Variants in CPB2 observed in about 807,000 individuals in gnomAD.
CPB2 encodes the protein carboxypeptidase B-like protein.
CPB2 carries 54 observed loss-of-function variants against 57.0 expected under a neutral mutation model. The ratio of observed to expected loss-of-function variants is 0.95; its 90% CI spans 0.76 to 1.19. The LOEUF (loss-of-function observed/expected upper bound fraction) is 1.19, where lower values mean the gene tolerates loss of function less well. Among genes scored for constraint, CPB2 ranks in the 50% most tolerant of loss-of-function variants. The pLI is 0.00. For synonymous variants in CPB2, 189 were observed against 178.1 expected (o/e 1.06, Z -0.49); for missense variants, 426 against 512.0 (o/e 0.83, Z 1.62).
intron 1 of CPB2, among the ~76,000 whole-genome samples, chr13:46,090,292 A>T (rs1325852441): frequency 6.6e-6 from 1 of 152,114 alleles, no homozygotes; most frequent in African/African-American, 2.4e-5. Flanking sequence ...ATAATTTGGA[A>T]AGAACAGATA....
Position 46,058,171 on chromosome 13 carries a change from G to A in CPB2, c.999+8C>T, listed in dbSNP as rs969210164. 1.1e-5 allele frequency: 17 copies of A among 1,602,058 alleles called. No individual in the cohort carries two copies. The East Asian group carries it at 3.6e-4, about 34-fold the overall frequency. On this transcript the variant is annotated splice_region_variant and intron_variant, in intron 9 of 10. Coordinates refer to ENST00000181383, the MANE Select transcript of CPB2 (RefSeq NM_001872.5). ...TGCTAATGAGAAAAATAATTAAGTA[G>A]CACTTACCAGTTCCTCATGGTCTTT...
chr13:46,064,138 G>A (rs957194608), intron 8 of CPB2, among the ~76,000 whole-genome samples: 27 of 152,024 alleles, frequency 1.8e-4, no homozygotes, highest in Admixed American at 1.7e-3. Context: ...GCATATGCCT[G>A]TAGTCCCAGC....
At chr13:46,058,469 A>C (rs189900126) in intron 8 of CPB2, 88 bp from the exon 9 acceptor site, 14 of 1,063,556 alleles carry the variant, frequency 1.3e-5, no homozygotes, top group Non-Finnish European at 4.3e-6. Context: ...TCTCCTACCT[A>C]TGTTGCAACA....
intron 8 of CPB2, among the ~76,000 whole-genome samples, chr13:46,061,840 G>A (rs897350937): frequency 5.9e-5 from 9 of 152,040 alleles, no homozygotes; most frequent in African/African-American, 2.2e-4. Context: ...GGTTTGATAT[G>A]TCACTTCCTG....
intron 1 of CPB2, among the ~76,000 whole-genome samples, chr13:46,088,865 GTAGT>G (rs1391854821): frequency 1.3e-5 from 2 of 151,552 alleles, no homozygotes; most frequent in Non-Finnish European, 2.9e-5. Context: ...TATTTTTGTA[GTAGT>G]TAATTTGTAT....
At chr13:46,060,190 C>T (rs17844124) in intron 8 of CPB2, among the ~76,000 whole-genome samples, 41,398 of 152,092 alleles carry the variant, frequency 0.27, 6,130 homozygotes, top group Non-Finnish European at 0.33. Flanking sequence ...AGGCCAGGCA[C>T]GGTGGCTCAC....
chr13:46,079,076 T>G, intron 4 of CPB2, among the ~76,000 whole-genome samples, 175 bp from the exon 5 acceptor site: 1 of 152,134 alleles, frequency 6.6e-6, no homozygotes, highest in East Asian at 1.9e-4. Flanking sequence ...TTAATAAAAT[T>G]AAAGTTTTGA....
In CPB2 at chr13:46,064,737, C is replaced by A; in HGVS notation, c.707G>T (p.Arg236Leu). Residue 236 changes from arginine to leucine, a missense_variant, in exon 8 of 11, where the codon CGA (arginine) becomes CTA (leucine). Coordinates refer to ENST00000181383, the MANE Select transcript of CPB2 (RefSeq NM_001872.5). ...DGYDYSWKKN[R>L]MWRKNRSFYA... Reference sequence around the variant, plus strand: ...GAAAGAACGGTTCTTTCTCCACATTCGATTCTACATAAACAAAATACAAAC... The same window carrying A: ...GAAAGAACGGTTCTTTCTCCACATTAGATTCTACATAAACAAAATACAAAC... The A allele has an allele frequency of 6.2e-7, 1 of 1,613,614 alleles. No individual in the cohort carries two copies. The highest frequency in any genetic ancestry group is 1.1e-5 in the South Asian group (1 of 91,054).
At chr13:46,077,854 C>T (rs2045047042) in intron 5 of CPB2, among the ~76,000 whole-genome samples, 1 of 151,772 alleles carries the variant, frequency 6.6e-6, no homozygotes, top group Non-Finnish European at 1.5e-5. Context: ...ACAAATACTA[C>T]ATGTTCTCAC....
intron 6 of CPB2, among the ~76,000 whole-genome samples, chr13:46,069,412 T>G (rs1274839376): frequency 6.6e-6 from 1 of 152,222 alleles, no homozygotes; most frequent in Non-Finnish European, 1.5e-5. Flanking sequence ...CATAGAGTTT[T>G]GCAACCATCA....
intron 6 of CPB2, among the ~76,000 whole-genome samples, chr13:46,068,020 A>G (rs2139365566): frequency 6.6e-6 from 1 of 152,332 alleles, no homozygotes; most frequent in South Asian, 2.1e-4. Context: ...CACATATTGC[A>G]GTGTGATCCA....
At chr13:46,060,868 C>T (rs2044762585) in intron 8 of CPB2, among the ~76,000 whole-genome samples, 1 of 152,150 alleles carries the variant, frequency 6.6e-6, no homozygotes, top group Non-Finnish European at 1.5e-5. Context: ...GTCTCAGCCT[C>T]AGGGGCCTCA....
At chr13:46,093,173 A>G (rs1305576113) in intron 1 of CPB2, among the ~76,000 whole-genome samples, 2 of 152,110 alleles carry the variant, frequency 1.3e-5, no homozygotes, top group African/African-American at 4.8e-5. Context: ...TCAGCCTCCC[A>G]AAATGCTGGG....
chr13:46,055,831 C>T lies in CPB2; in HGVS notation c.1018G>A (p.Ala340Thr), dbSNP rs754773221. The change falls in exon 10 of 11, where the codon GCA (alanine) becomes ACA (threonine). Residue 340 changes from alanine to threonine, a missense_variant. Transcript: ENST00000181383. ...CTAATTTTCTCAATAGCACGAACTG[C>T]TTCACTGGCTACTAGAGACTGGAAG... Reference protein sequence around the residue: ...HEELSLVASEAVRAIEKISKN... With the variant: ...HEELSLVASETVRAIEKISKN... 5.6e-6 allele frequency: 9 copies of T among 1,598,178 alleles called. No homozygotes were observed. The South Asian group carries it at 1.0e-4, about 18-fold the overall frequency.
At position 46,082,466 on chromosome 13, in the gene CPB2, T is replaced by C; in HGVS notation, c.359A>G (p.Tyr120Cys). The change falls in exon 4 of 11, where the codon TAT (tyrosine) becomes TGT (cysteine). Residue 120 changes from tyrosine to cysteine, a missense_variant. Physicochemically the swap from Tyr to Cys is radical, Grantham distance 194. Coordinates refer to ENST00000181383, the MANE Select transcript of CPB2 (RefSeq NM_001872.5). ...TTCATTTAGTGAGTGATACTGTTCA[T>C]AGTACGATGCGGAGGCTCGGGGGCT... ...TVSPRASASYYEQYHSLNEIY... is the reference protein window; with the variant it reads ...TVSPRASASYCEQYHSLNEIY... 1 of 1,612,428 alleles carries C rather than the reference T, an allele frequency of 6.2e-7. No individual in the cohort carries two copies. The highest frequency in any genetic ancestry group is 1.1e-5 in the South Asian group (1 of 90,966).
intron 3 of CPB2, among the ~76,000 whole-genome samples, chr13:46,082,949 C>CT (rs1468555340): frequency 6.6e-6 from 1 of 151,388 alleles, no homozygotes; most frequent in Non-Finnish European, 1.5e-5. Context: ...GCAGAAAAGC[C>CT]TTTTCTTTCT....
At chr13:46,081,917 T>C (rs2045123992) in intron 4 of CPB2, among the ~76,000 whole-genome samples, 1 of 152,168 alleles carries the variant, frequency 6.6e-6, no homozygotes, top group South Asian at 2.1e-4. Flanking sequence ...CTGTAAGTAC[T>C]GATAGAAAAA....
At chr13:46,069,861 G>T (rs534919332) in intron 6 of CPB2, among the ~76,000 whole-genome samples, 54 of 152,176 alleles carry the variant, frequency 3.5e-4, no homozygotes, top group African/African-American at 1.0e-3. Context: ...AGAACTGCTG[G>T]GTCATATGGT....
intron 1 of CPB2, among the ~76,000 whole-genome samples, chr13:46,102,112 C>A (rs1206491418): frequency 6.6e-6 from 1 of 152,188 alleles, no homozygotes; most frequent in Admixed American, 6.5e-5. Flanking sequence ...GGTACCCAAA[C>A]AGTATGTGAA....
Sources: allele counts gnomAD v4.1 joint callset (sites outside exome capture counted in the v4.1 genomes callset), GRCh38; gene constraint gnomAD v4.1.1; transcripts MANE v1.5; gene names NCBI Gene and HGNC (gene_info 2026-07-23, HGNC 2026-07-21).